ADGRB3: variants seen among roughly 807,000 people sequenced by gnomAD.
ADGRB3 encodes adhesion G protein-coupled receptor B3.
A neutral mutation model predicts 193.4 loss-of-function variants in ADGRB3; 37 were observed. The observed-to-expected ratio is 0.19, with a 90% CI of 0.15 to 0.25. The LOEUF (loss-of-function observed/expected upper bound fraction) is 0.25, where lower values mean the gene tolerates loss of function less well. Ranked by LOEUF, ADGRB3 falls within the 10% of genes least tolerant of loss-of-function variation. The pLI is 1.00. For missense variants in ADGRB3, 1,637 were observed against 1,852.9 expected, an observed-to-expected ratio of 0.88 and a Z score of 2.14; for synonymous variants, 690 against 644.2, an observed-to-expected ratio of 1.07 and a Z score of -1.08.
At chr6:69,384,068 T>C (rs1373374506) in intron 31 of ADGRB3, among the ~76,000 whole-genome samples, 1 of 152,032 alleles carries the variant, frequency 6.6e-6, no homozygotes, top group African/African-American at 2.4e-5. Context: ...CTTTATGTTT[T>C]TCTTTTATTC....
chr6:68,952,137 C>A (rs1283015706), intron 6 of ADGRB3, among the ~76,000 whole-genome samples: 4 of 152,104 alleles, frequency 2.6e-5, no homozygotes, highest in Admixed American at 6.5e-5. Flanking sequence ...TCTACCCCCC[C>A]AAAGCCTCCC....
chr6:69,277,002 CTTT>C, intron 20 of ADGRB3, among the ~76,000 whole-genome samples: 1 of 138,320 alleles, frequency 7.2e-6, no homozygotes, highest in African/African-American at 2.6e-5. Context: ...TTTTTTTTTC[CTTT>C]TTTTTTTTTT....
intron 17 of ADGRB3, among the ~76,000 whole-genome samples, chr6:69,149,441 C>T (rs1028743295): frequency 6.6e-6 from 1 of 151,902 alleles, no homozygotes; most frequent in African/African-American, 2.4e-5. Flanking sequence ...TCCTGAACTC[C>T]TTCTCTGTGT....
At position 68,936,673 on chromosome 6, in the gene ADGRB3, C is replaced by T. The variant is rs750499876; in HGVS notation, c.1023C>T (p.Leu341=). The change falls in exon 5 of 32, where the codon CTC becomes CTT. Residue 341 remains leucine (L), a synonymous_variant. Transcript: ENST00000370598. The stretch of plus-strand genomic sequence containing the variant: ...CAAGGGTTTGCAATAACACTGCCCT[C>T]TGTCCAGGTAGTGTTAGCAGCAACT... ...RESRVCNNTA[L]CPVHGVWEEW... The T allele has an allele frequency of 6.2e-7, 1 of 1,612,638 alleles. No homozygotes were observed. The highest frequency in any genetic ancestry group is 1.7e-5 in the Admixed American group (1 of 59,878).
rs1562123643 is a variant in ADGRB3, at chr6:69,018,379, TTA to T, written c.1999-10_1999-9del. On this transcript the variant is annotated splice_polypyrimidine_tract_variant and intron_variant, in intron 12 of 31. Coordinates refer to ENST00000370598, the MANE Select transcript of ADGRB3 (RefSeq NM_001704.3). The stretch of plus-strand genomic sequence containing the variant: ...ATTTTTTATTCCTTCTAACCTTTGC[TTA>T]TTTTTCTAGATTTATCCAGGGTCAA... 2.6e-6 allele frequency: 4 copies of T among 1,548,948 alleles called. No individual in the cohort carries two copies. The highest frequency in any genetic ancestry group is 3.5e-6 in the Non-Finnish European group (4 of 1,130,128).
Position 68,932,145 on chromosome 6 carries a change from A to G in ADGRB3, c.868+1476A>G, listed in dbSNP as rs576845785. Among the ~76,000 whole-genome samples, 128 of 152,278 alleles carry G rather than the reference A, an allele frequency of 8.4e-4. 2 individuals carry two copies. In the South Asian group the frequency reaches 0.016, roughly 19 times the overall value. On this transcript the variant is annotated intron_variant, in intron 4 of 31. Coordinates refer to ENST00000370598, the MANE Select transcript of ADGRB3 (RefSeq NM_001704.3). Reference sequence around the variant, plus strand: ...CTACTCATCTTTGTCGGCACCATCTAATGGGGGCATTTCTGCAAGATTAAA... The same window carrying G: ...CTACTCATCTTTGTCGGCACCATCTGATGGGGGCATTTCTGCAAGATTAAA...
intron 3 of ADGRB3, among the ~76,000 whole-genome samples, chr6:68,860,092 T>C (rs955863442): frequency 6.6e-6 from 1 of 152,192 alleles, no homozygotes; most frequent in African/African-American, 2.4e-5. Flanking sequence ...CTTTAGTGTC[T>C]GTTTATATGG....
At chr6:69,111,143 T>C (rs1773354988) in intron 17 of ADGRB3, among the ~76,000 whole-genome samples, 1 of 152,200 alleles carries the variant, frequency 6.6e-6, no homozygotes, top group African/African-American at 2.4e-5. Flanking sequence ...CCAAATAAAC[T>C]GAAATTGATA....
intron 17 of ADGRB3, among the ~76,000 whole-genome samples, chr6:69,211,425 A>G (rs867818269): frequency 2.2e-4 from 33 of 152,292 alleles, no homozygotes; most frequent in South Asian, 8.3e-4. Context: ...TTAATCCTAT[A>G]TATCTTTAAT....
At chr6:68,687,854 C>T (rs1765010810) in intron 3 of ADGRB3, among the ~76,000 whole-genome samples, 1 of 152,100 alleles carries the variant, frequency 6.6e-6, no homozygotes, top group Admixed American at 6.6e-5. Flanking sequence ...GTGAAAAATA[C>T]CTGCAAGTTC....
intron 3 of ADGRB3, among the ~76,000 whole-genome samples, chr6:68,864,061 C>A (rs1194278327): frequency 6.6e-6 from 1 of 151,908 alleles, no homozygotes; most frequent in East Asian, 1.9e-4. Context: ...TAATTTATTT[C>A]TTCTCTTCAA....
At chr6:69,207,669 T>G (rs1765569096) in intron 17 of ADGRB3, among the ~76,000 whole-genome samples, 1 of 152,196 alleles carries the variant, frequency 6.6e-6, no homozygotes, top group South Asian at 2.1e-4. Context: ...TAGTTAGCAT[T>G]GTAATTGTGG....
chr6:68,887,216 T>C (rs1462276921), intron 3 of ADGRB3, among the ~76,000 whole-genome samples: 1 of 151,944 alleles, frequency 6.6e-6, no homozygotes, highest in African/African-American at 2.4e-5. Flanking sequence ...TATAGTTCCA[T>C]TTTTTCTCCC....
At chr6:69,289,733 A>G (rs561298931) in intron 20 of ADGRB3, among the ~76,000 whole-genome samples, 62 of 152,098 alleles carry the variant, frequency 4.1e-4, no homozygotes, top group African/African-American at 1.4e-3. Flanking sequence ...CCTCCACTAC[A>G]GACAGGTGCC....
intron 3 of ADGRB3, among the ~76,000 whole-genome samples, chr6:68,849,160 A>T (rs1175356249): frequency 6.6e-6 from 1 of 151,966 alleles, no homozygotes; most frequent in African/African-American, 2.4e-5. Context: ...TGAATCATGA[A>T]AAGAGATATA....
At chr6:69,118,620 A>G (rs1582474150) in intron 17 of ADGRB3, among the ~76,000 whole-genome samples, 1 of 151,872 alleles carries the variant, frequency 6.6e-6, no homozygotes, top group Admixed American at 6.6e-5. Context: ...TTATATTTTC[A>G]GTCTCTGTAG....
At chr6:69,261,839 G>A (rs762151940) in intron 20 of ADGRB3, among the ~76,000 whole-genome samples, 5 of 152,018 alleles carry the variant, frequency 3.3e-5, no homozygotes, top group Middle Eastern at 3.4e-3. Flanking sequence ...CTAAAGGTTC[G>A]TTAAGAATTC....
At chr6:69,221,720 AT>A (rs1726289982) in intron 17 of ADGRB3, among the ~76,000 whole-genome samples, 1 of 152,144 alleles carries the variant, frequency 6.6e-6, no homozygotes, top group Non-Finnish European at 1.5e-5. Flanking sequence ...CAGGGCACTT[AT>A]TTTAAATACT....
intron 16 of ADGRB3, among the ~76,000 whole-genome samples, chr6:69,071,657 A>C (rs1188193576): frequency 6.6e-6 from 1 of 152,174 alleles, no homozygotes; most frequent in East Asian, 1.9e-4. Flanking sequence ...TGTCAAGAAT[A>C]TAATTTCCTT....
Sources: allele counts gnomAD v4.1 joint callset (sites outside exome capture counted in the v4.1 genomes callset), GRCh38; gene constraint gnomAD v4.1.1; transcripts MANE v1.5; gene names NCBI Gene and HGNC (gene_info 2026-07-23, HGNC 2026-07-21).